DNAJB1: variants seen among roughly 807,000 people sequenced by gnomAD.
The protein encoded by DNAJB1 is dnaJ homolog subfamily B member 1.
Under a neutral mutation model 24.0 loss-of-function variants are expected in DNAJB1, and 14 were observed. The ratio of observed to expected loss-of-function variants is 0.58; its 90% CI spans 0.39 to 0.91. The LOEUF (loss-of-function observed/expected upper bound fraction) is 0.91. Ranked by LOEUF, DNAJB1 falls within the 40% of genes least tolerant of loss-of-function variation. The probability of loss-of-function intolerance (pLI) is 0.00; values close to 1 mark genes in which losing one functional copy is unlikely to be tolerated. For synonymous variants in DNAJB1, 262 were observed against 174.4 expected, an observed-to-expected ratio of 1.50 and a Z score of -3.96; for missense variants, 517 against 458.1, an observed-to-expected ratio of 1.13 and a Z score of -1.17.
intron 1 of DNAJB1, among the ~76,000 whole-genome samples, chr19:14,555,438 CTTTTTT>C (rs747503834): frequency 8.6e-5 from 8 of 92,904 alleles, no homozygotes; most frequent in African/African-American, 1.4e-4. Context: ...TTTATTTATT[CTTTTTT>C]TTTTTTTTTT....
chr19:14,542,909 G>A (rs1035906903), intron 1 of DNAJB1, among the ~76,000 whole-genome samples: 2 of 151,992 alleles, frequency 1.3e-5, no homozygotes, highest in East Asian at 1.9e-4. Flanking sequence ...AGGCTCTTAC[G>A]TAAGCAGAGC....
intron 1 of DNAJB1, among the ~76,000 whole-genome samples, chr19:14,539,448 G>A (rs1302299189): frequency 6.6e-6 from 1 of 152,086 alleles, no homozygotes; most frequent in African/African-American, 2.4e-5. Flanking sequence ...CCAGGTGCCT[G>A]TCACAGCTGC....
intron 2 of DNAJB1, among the ~76,000 whole-genome samples, chr19:14,526,036 G>T (rs2072419092): frequency 6.6e-6 from 1 of 152,102 alleles, no homozygotes; most frequent in Non-Finnish European, 1.5e-5. Flanking sequence ...ATCTGCCCAT[G>T]GGAAATACAA....
At chr19:14,556,832 G>C (rs1297399935) in intron 1 of DNAJB1, among the ~76,000 whole-genome samples, 1 of 152,190 alleles carries the variant, frequency 6.6e-6, no homozygotes. Context: ...CCACAAGGGG[G>C]CAGTGGGGAG....
At chr19:14,558,892 G>A (rs1352596375) in intron 1 of DNAJB1, among the ~76,000 whole-genome samples, 1 of 152,206 alleles carries the variant, frequency 6.6e-6, no homozygotes, top group Admixed American at 6.5e-5. Flanking sequence ...TCCCCTGCCT[G>A]GGGCTCTGTT....
chr19:14,530,569 T>G (rs1308174139), upstream of DNAJB1: 1 of 152,212 alleles, frequency 6.6e-6, no homozygotes, highest in Non-Finnish European at 1.5e-5. Flanking sequence ...AGAACTATTA[T>G]TATTCCTGTT....
At chr19:14,557,810 C>T (rs2073783183) in intron 1 of DNAJB1, among the ~76,000 whole-genome samples, 1 of 151,546 alleles carries the variant, frequency 6.6e-6, no homozygotes, top group Non-Finnish European at 1.5e-5. Flanking sequence ...GGCTGGAGTG[C>T]AGTGGCGCGA....
chr19:14,541,032 G>A (rs2073079428), intron 1 of DNAJB1, among the ~76,000 whole-genome samples: 2 of 152,078 alleles, frequency 1.3e-5, no homozygotes, highest in Admixed American at 6.6e-5. Flanking sequence ...CACCATGTGG[G>A]CCAGGCTGAT....
exon 1 of DNAJB1, among the ~76,000 whole-genome samples, chr19:14,560,219 G>C (rs567301144): frequency 4.9e-4 from 75 of 152,302 alleles, no homozygotes; most frequent in Middle Eastern, 3.4e-3. Context: ...GCCCAGGTTG[G>C]GGGGAGCAGG....
rs1289243316 is a variant in DNAJB1 at position 14,516,081 on chromosome 19, C to T, written c.882G>A (p.Arg294=). The change falls in exon 3 of 3, where the codon CGG becomes CGA. Residue 294 remains arginine (R), a synonymous_variant. Coordinates refer to ENST00000254322, the MANE Select transcript of DNAJB1 (RefSeq NM_006145.3). ...VFKDVIRPGM[R]RKVPGEGLPL... ...GGAGGCCTTCTCCAGGAACTTTTCG[C>T]CGCATGCCAGGCCTGATAACATCTT... 3 of 1,613,758 alleles carry T rather than the reference C, an allele frequency of 1.9e-6. No individual in the cohort carries two copies. The highest frequency in any genetic ancestry group is 3.3e-5 in the Admixed American group (2 of 59,884).
intron 1 of DNAJB1, among the ~76,000 whole-genome samples, chr19:14,537,753 T>G (rs1472994728): frequency 6.6e-6 from 1 of 151,308 alleles, no homozygotes; most frequent in African/African-American, 2.4e-5. Context: ...TGTTTTTTTT[T>G]TTTTTTTTTT....
chr19:14,546,669 ATTTC>A (rs1051088812), intron 1 of DNAJB1, among the ~76,000 whole-genome samples: 3 of 152,018 alleles, frequency 2.0e-5, no homozygotes, highest in African/African-American at 7.2e-5. Flanking sequence ...TCACTGAAAT[ATTTC>A]TTAAACATTA....
chr19:14,544,238 C>T (rs889320430), intron 1 of DNAJB1, among the ~76,000 whole-genome samples: 3 of 151,884 alleles, frequency 2.0e-5, no homozygotes, highest in Non-Finnish European at 4.4e-5. Flanking sequence ...CTTGTCACCT[C>T]ATGTTTGAGT....
intron 1 of DNAJB1, among the ~76,000 whole-genome samples, chr19:14,544,015 G>A (rs1356383189): frequency 2.6e-5 from 4 of 152,096 alleles, no homozygotes; most frequent in African/African-American, 7.2e-5. Context: ...TAGGATTACA[G>A]GTGTGAGCCA....
At chr19:14,558,099 C>T (rs2073794401) in intron 1 of DNAJB1, among the ~76,000 whole-genome samples, 1 of 152,168 alleles carries the variant, frequency 6.6e-6, no homozygotes, top group African/African-American at 2.4e-5. Flanking sequence ...GGGATGATTA[C>T]GGTAACCCTG....
chr19:14,528,666 G>A (rs1246518660), intron 1 of DNAJB1, among the ~76,000 whole-genome samples: 2 of 152,012 alleles, frequency 1.3e-5, no homozygotes, highest in Admixed American at 6.6e-5. Flanking sequence ...GGGGCCGGGC[G>A]GGGTGGCTCA....
rs1315397978 is a variant in DNAJB1, at chr19:14,515,785, T to C, written c.*155A>G. ...AACCACTGAAGTCTAGTGTGCGACT[T>C]TGAAAGATTGTAATATATGCTCTGG... is the stretch of plus-strand genomic sequence containing the variant. On this transcript the variant is annotated 3_prime_UTR_variant, in exon 3 of 3. Coordinates refer to ENST00000254322, the MANE Select transcript of DNAJB1 (RefSeq NM_006145.3). The C allele has an allele frequency of 1.4e-5, 10 of 715,838 alleles. No homozygotes were observed. The highest frequency in any genetic ancestry group is 3.2e-5 in the Admixed American group (1 of 30,904). The allele number at this position is 715,838 out of a possible 1,614,324, so 44.3% of individuals were successfully genotyped here.
chr19:14,555,297 G>A (rs2073679965), upstream of DNAJB1, among the ~76,000 whole-genome samples: 1 of 151,198 alleles, frequency 6.6e-6, no homozygotes, highest in African/African-American at 2.4e-5. Context: ...GGCCCAGGCT[G>A]GAGTGCAGTG....
At chr19:14,516,381 C>G in intron 2 of DNAJB1, 85 bp downstream of exon 2, 3 of 1,457,282 alleles carry the variant, frequency 2.1e-6, no homozygotes, top group Non-Finnish European at 2.8e-6. Context: ...CACCACACAC[C>G]CCAACACATT....
Sources: allele counts gnomAD v4.1 joint callset (sites outside exome capture counted in the v4.1 genomes callset), GRCh38; gene constraint gnomAD v4.1.1; transcripts MANE v1.5; gene names NCBI Gene and HGNC (gene_info 2026-07-23, HGNC 2026-07-21).